TJP1: variants seen among roughly 807,000 people sequenced by gnomAD.
TJP1 encodes tight junction protein 1.
In TJP1, 43 loss-of-function variants were observed where a neutral mutation model predicts 194.2. The ratio of observed to expected loss-of-function variants is 0.22; its 90% CI spans 0.17 to 0.29. TJP1 has a LOEUF of 0.29. Ranked by LOEUF, TJP1 falls within the 10% of genes least tolerant of loss-of-function variation. The pLI, the probability that TJP1 is intolerant of heterozygous loss-of-function variation, is 1.00. For synonymous variants in TJP1, 801 were observed against 779.0 expected (o/e 1.03, Z -0.47); for missense variants, 1,971 against 2,185.7 (o/e 0.90, Z 1.96).
Position 29,708,798 on chromosome 15 carries a change from T to C in TJP1, c.4611A>G (p.Arg1537=), listed in dbSNP as rs2042062592. 1 of 1,614,196 alleles carries C rather than the reference T, an allele frequency of 6.2e-7. No individual in the cohort carries two copies. Among genetic ancestry groups the C allele is most frequent in the African/African-American group, 1.3e-5 (1 of 75,044 alleles). ...FTPKPYTSSA[R]PFERKFESPK... is the part of the protein sequence containing the mutation. ...GACTTTCAAACTTGCGTTCAAATGG[T>C]CGGGCAGAACTTGTATATGGTTTTG... The change falls in exon 25 of 28, where the codon CGA becomes CGG. Residue 1537 remains arginine (R), a synonymous_variant. Transcript: ENST00000614355.
At chr15:29,827,806 G>T (rs1476565622) in intron 2 of TJP1, among the ~76,000 whole-genome samples, 4 of 152,006 alleles carry the variant, frequency 2.6e-5, no homozygotes, top group Admixed American at 2.6e-4. Context: ...GAAACAAAGG[G>T]CCCCTAGATT....
At chr15:29,916,344 C>G (rs1405120480) in intron 2 of TJP1, among the ~76,000 whole-genome samples, 2 of 151,660 alleles carry the variant, frequency 1.3e-5, no homozygotes, top group Non-Finnish European at 2.9e-5. Flanking sequence ...GTCTCAGAAG[C>G]CCTATGAAAT....
At chr15:29,949,159 TACCTCCACCACCACCACCTCCATC>T (rs2055405955) in intron 2 of TJP1, among the ~76,000 whole-genome samples, 1 of 50,508 alleles carries the variant, frequency 2.0e-5, no homozygotes, top group Admixed American at 2.0e-4. Flanking sequence ...CCTCCACTAC[TACCTCCACCACCACCACCTCCATC>T]ACCTCCACCA....
chr15:29,853,617 C>A (rs993879738), intron 2 of TJP1, among the ~76,000 whole-genome samples: 1 of 152,034 alleles, frequency 6.6e-6, no homozygotes, highest in Non-Finnish European at 1.5e-5. Flanking sequence ...GTATTTTTCC[C>A]CCCACAGGAG....
rs371126545 is a variant in TJP1 at position 29,709,605 on chromosome 15, C to T, written c.4373-569G>A. Among the ~76,000 whole-genome samples the T allele has an allele frequency of 3.3e-5, 5 of 152,190 alleles. No homozygotes were observed. In the East Asian group the frequency reaches 5.8e-4, roughly 18 times the overall value. On this transcript the variant is annotated intron_variant, in intron 24 of 27. Transcript: ENST00000614355. ...TATAGTAATATAATTTTCCACAGTA[C>T]GAGAAGAAAAATCATATGGTCATCT...
chr15:29,714,441 T>C (rs2042427388), intron 23 of TJP1, among the ~76,000 whole-genome samples: 2 of 151,446 alleles, frequency 1.3e-5, no homozygotes, highest in African/African-American at 4.9e-5. Context: ...GGTTTCACCA[T>C]ATTAGCCAGG....
chr15:29,760,262 A>C (rs1434801794), intron 8 of TJP1: 1 of 702,170 alleles, frequency 1.4e-6, no homozygotes, highest in Non-Finnish European at 2.6e-6. Context: ...ATTTTTCTGG[A>C]GAGAAGGATC....
At chr15:29,957,574 A>C (rs2055995836) in intron 1 of TJP1, among the ~76,000 whole-genome samples, 1 of 152,200 alleles carries the variant, frequency 6.6e-6, no homozygotes, top group Admixed American at 6.5e-5. Context: ...TTCCCATAAT[A>C]ATCCATACAG....
At position 29,837,778 on chromosome 15, in the gene TJP1, T is replaced by C. The variant is rs1322514998; in HGVS notation, c.307-37076A>G. Among the ~76,000 whole-genome samples, 5 of 152,354 alleles carry C rather than the reference T, an allele frequency of 3.3e-5. No individual in the cohort carries two copies. In the East Asian group the frequency reaches 7.7e-4, roughly 23 times the overall value. On this transcript the variant is annotated intron_variant, in intron 2 of 28. Transcript: ENST00000356107. ...CACAGTGGGATATCTTTACTCTTTC[T>C]GTTTCCTTTTCCAATAACACTTCTT...
chr15:29,956,686 C>G (rs571788204), intron 1 of TJP1, among the ~76,000 whole-genome samples: 1 of 152,048 alleles, frequency 6.6e-6, no homozygotes, highest in Non-Finnish European at 1.5e-5. Flanking sequence ...TCGAGCCCAG[C>G]CTGGGCAATA....
chr15:29,820,554 A>G, intron 1 of TJP1: 2 of 716,870 alleles, frequency 2.8e-6, no homozygotes, highest in South Asian at 1.5e-5. Flanking sequence ...TTGAAAACGT[A>G]TTTCTCTCCA....
At chr15:29,920,740 A>G (rs1437109765) in intron 2 of TJP1, among the ~76,000 whole-genome samples, 1 of 152,182 alleles carries the variant, frequency 6.6e-6, no homozygotes, top group Non-Finnish European at 1.5e-5. Flanking sequence ...CAAGGGAACT[A>G]GAGTGGCCCA....
chr15:29,761,919 CCTT>C, intron 6 of TJP1, 150 bp from the exon 7 acceptor site: 1 of 760,272 alleles, frequency 1.3e-6, no homozygotes, highest in Non-Finnish European at 2.0e-6. Context: ...AAGTATTCCA[CCTT>C]CTTGAGATGA....
At chr15:29,903,125 A>T (rs1227778789) in intron 2 of TJP1, among the ~76,000 whole-genome samples, 1 of 151,892 alleles carries the variant, frequency 6.6e-6, no homozygotes. Context: ...TGTCTCACCC[A>T]CTTCCCTCCC....
chr15:29,882,640 A>G (rs2052977567), intron 2 of TJP1, among the ~76,000 whole-genome samples: 1 of 152,200 alleles, frequency 6.6e-6, no homozygotes, highest in Admixed American at 6.5e-5. Flanking sequence ...GTGTTGGGCA[A>G]ATGAAGAGCA....
At chr15:29,931,826 C>A (rs1432497269) in intron 2 of TJP1, among the ~76,000 whole-genome samples, 1 of 152,184 alleles carries the variant, frequency 6.6e-6, no homozygotes, top group Non-Finnish European at 1.5e-5. Context: ...GACAGAGCAG[C>A]CCCAAGGGCT....
rs574373824 is a variant in TJP1, at chr15:29,964,648, A to G, written c.173+4019T>C. Among the ~76,000 whole-genome samples the G allele has an allele frequency of 2.0e-5, 3 of 152,288 alleles. No homozygotes were observed. In the South Asian group the frequency reaches 6.2e-4, roughly 32 times the overall value. On this transcript the variant is annotated intron_variant, in intron 1 of 28. Transcript: ENST00000356107. ...TGTTTTCAGCCACCAAGTTTATGTG[A>G]TCTGTTACAGCAGCCCCTGAAAACA...
intron 2 of TJP1, among the ~76,000 whole-genome samples, chr15:29,859,905 G>T (rs905614558): frequency 6.6e-6 from 1 of 152,116 alleles, no homozygotes; most frequent in African/African-American, 2.4e-5. Context: ...TTCCTCAAAT[G>T]AAATCTCCTG....
chr15:29,858,301 T>G (rs2051939683), intron 2 of TJP1, among the ~76,000 whole-genome samples: 1 of 151,970 alleles, frequency 6.6e-6, no homozygotes, highest in African/African-American at 2.4e-5. Flanking sequence ...CTCAGGAGGC[T>G]GAGGTGGGAG....
Sources: gnomAD v4.1 joint callset for allele counts (sites outside exome capture counted in the v4.1 genomes callset) on GRCh38, gnomAD v4.1.1 for gene constraint, MANE v1.5 for transcripts, NCBI Gene and HGNC (gene_info 2026-07-23, HGNC 2026-07-21) for gene names.